The following PHF21A variants were observed in gnomAD, a reference collection of about 807,000 sequenced individuals.
The protein encoded by PHF21A is BHC80a.
Under a neutral mutation model 82.5 loss-of-function variants are expected in PHF21A, and 11 were observed. The observed-to-expected ratio is 0.13, with a 90% CI of 0.08 to 0.22. PHF21A has a LOEUF of 0.22. PHF21A is among the 10% of genes least tolerant of loss of function. PHF21A has a pLI of 1.00. For missense variants in PHF21A, 579 were observed against 837.8 expected, an observed-to-expected ratio of 0.69 and a Z score of 3.81; for synonymous variants, 297 against 302.8, an observed-to-expected ratio of 0.98 and a Z score of 0.20.
intron 17 of PHF21A, among the ~76,000 whole-genome samples, chr11:45,936,247 G>A (rs984148896): frequency 2.0e-5 from 3 of 152,154 alleles, no homozygotes; most frequent in Admixed American, 6.5e-5. Flanking sequence ...CACAACACCC[G>A]AGCCTGGGTT....
intron 6 of PHF21A, among the ~76,000 whole-genome samples, chr11:46,071,858 T>C (rs1565849478): frequency 6.6e-6 from 1 of 152,042 alleles, no homozygotes; most frequent in African/African-American, 2.4e-5. Flanking sequence ...CTCAAAAATC[T>C]AAGAAGATTT....
intron 6 of PHF21A, among the ~76,000 whole-genome samples, chr11:45,985,148 C>A (rs1265337650): frequency 3.9e-5 from 6 of 152,058 alleles, no homozygotes; most frequent in African/African-American, 1.4e-4. Context: ...TTGATGAGAT[C>A]AGAACTTACT....
chr11:46,086,205 G>A (rs1319290085), intron 3 of PHF21A, among the ~76,000 whole-genome samples: 2 of 151,394 alleles, frequency 1.3e-5, no homozygotes, highest in African/African-American at 4.9e-5. Context: ...TGCAAGCTCC[G>A]CCTCCCAGGT....
chr11:46,032,876 A>G (rs2095896215), intron 6 of PHF21A, among the ~76,000 whole-genome samples: 2 of 152,196 alleles, frequency 1.3e-5, no homozygotes, highest in South Asian at 4.1e-4. Context: ...GTATAAGTAC[A>G]TGTGTGAATG....
intron 6 of PHF21A, among the ~76,000 whole-genome samples, chr11:46,051,023 CTT>C (rs1156465934): frequency 1.3e-5 from 2 of 152,154 alleles, no homozygotes; most frequent in African/African-American, 4.8e-5. Flanking sequence ...CTGAGAAACA[CTT>C]CTGTTATCTT....
At chr11:46,091,834 C>G (rs906101969) in intron 2 of PHF21A, among the ~76,000 whole-genome samples, 15 of 106 alleles carry the variant, frequency 0.14, no homozygotes, top group African/African-American at 0.29. Context: ...GCTATAGGCA[C>G]ACACCCACTG....
At chr11:46,066,966 C>T (rs1276344514) in intron 6 of PHF21A, among the ~76,000 whole-genome samples, 1 of 152,070 alleles carries the variant, frequency 6.6e-6, no homozygotes, top group Non-Finnish European at 1.5e-5. Context: ...TTACAATTTG[C>T]TTTTTTAACT....
chr11:46,012,795 C>T (rs1467211687), intron 6 of PHF21A, among the ~76,000 whole-genome samples: 1 of 152,184 alleles, frequency 6.6e-6, no homozygotes, highest in African/African-American at 2.4e-5. Flanking sequence ...TCTTCCCTCT[C>T]TTGCAGTTTC....
chr11:46,075,603 T>C (rs2096715766), intron 6 of PHF21A, among the ~76,000 whole-genome samples: 1 of 152,224 alleles, frequency 6.6e-6, no homozygotes, highest in South Asian at 2.1e-4. Context: ...AATTTTAGTT[T>C]GGCAATTCCC....
intron 6 of PHF21A, among the ~76,000 whole-genome samples, chr11:46,015,580 C>T (rs1356280031): frequency 6.6e-6 from 1 of 152,028 alleles, no homozygotes; most frequent in Non-Finnish European, 1.5e-5. Context: ...GTAATAACAG[C>T]TTAAAACACA....
At chr11:45,976,825 T>C (rs1218177429) in intron 7 of PHF21A, among the ~76,000 whole-genome samples, 1 of 152,136 alleles carries the variant, frequency 6.6e-6, no homozygotes, top group Non-Finnish European at 1.5e-5. Flanking sequence ...AAGAGCCAGA[T>C]CCTGTCTAAA....
chr11:46,047,322 A>C (rs2096272580), intron 6 of PHF21A, among the ~76,000 whole-genome samples: 2 of 152,204 alleles, frequency 1.3e-5, no homozygotes, highest in Non-Finnish European at 2.9e-5. Flanking sequence ...GGAGTTGAAA[A>C]CATGAAAGAA....
At chr11:45,993,305 T>C (rs1250318719) in intron 6 of PHF21A, among the ~76,000 whole-genome samples, 1 of 152,190 alleles carries the variant, frequency 6.6e-6, no homozygotes, top group African/African-American at 2.4e-5. Flanking sequence ...GTATAAGTAA[T>C]CACATATTTA....
At chr11:46,105,907 G>T (rs2097147579) in intron 1 of PHF21A, among the ~76,000 whole-genome samples, 6 of 152,048 alleles carry the variant, frequency 3.9e-5, no homozygotes, top group Admixed American at 3.3e-4. Context: ...AAGTTATTGG[G>T]CTTTTTATAC....
chr11:45,963,733 G>C (rs2093260478), intron 10 of PHF21A, among the ~76,000 whole-genome samples: 1 of 152,122 alleles, frequency 6.6e-6, no homozygotes, highest in Admixed American at 6.5e-5. Context: ...ATAGTGTTGT[G>C]AAACGAGGTT....
chr11:46,046,800 G>C (rs929464845), intron 6 of PHF21A, among the ~76,000 whole-genome samples: 1 of 152,192 alleles, frequency 6.6e-6, no homozygotes, highest in African/African-American at 2.4e-5. Flanking sequence ...TCTGTGAAGA[G>C]TGTCTGGACA....
intron 4 of PHF21A, among the ~76,000 whole-genome samples, chr11:46,082,891 AAT>A (rs1234418209): frequency 1.3e-5 from 2 of 152,182 alleles, no homozygotes; most frequent in African/African-American, 4.8e-5. Flanking sequence ...TTGCCATCTC[AAT>A]ACTTCTTCAG....
At chr11:46,063,103 G>A (rs574443328) in intron 6 of PHF21A, among the ~76,000 whole-genome samples, 3 of 152,126 alleles carry the variant, frequency 2.0e-5, no homozygotes, top group African/African-American at 7.2e-5. Flanking sequence ...AGAGAGAAGT[G>A]GGGAGAGGAA....
chr11:45,977,002 G>A (rs1437735544), intron 7 of PHF21A, among the ~76,000 whole-genome samples: 1 of 152,128 alleles, frequency 6.6e-6, no homozygotes, highest in Non-Finnish European at 1.5e-5. Flanking sequence ...TATGTCAGGT[G>A]GGCTACTGGA....
Sources: gnomAD v4.1 joint callset for allele counts (sites outside exome capture counted in the v4.1 genomes callset) on GRCh38, gnomAD v4.1.1 for gene constraint, MANE v1.5 for transcripts, NCBI Gene and HGNC (gene_info 2026-07-23, HGNC 2026-07-21) for gene names.